ANXA13: variants seen among roughly 807,000 people sequenced by gnomAD.
The protein encoded by ANXA13 is annexin XIII.
A neutral mutation model predicts 46.6 loss-of-function variants in ANXA13; 36 were observed. The ratio of observed to expected loss-of-function variants is 0.77; its 90% confidence interval spans 0.59 to 1.02. The LOEUF (loss-of-function observed/expected upper bound fraction) is 1.02, where lower values mean the gene tolerates loss of function less well. ANXA13 is among the 50% of genes least tolerant of loss of function. The pLI, the probability that ANXA13 is intolerant of heterozygous loss-of-function variation, is 0.00. For missense variants in ANXA13, 417 were observed against 396.5 expected (o/e 1.05, Z -0.44); for synonymous variants, 163 against 152.9 (o/e 1.07, Z -0.49).
At chr8:123,702,508 T>G (rs1406687671) in intron 3 of ANXA13, 134 bp downstream of exon 3, 1 of 679,738 alleles carries the variant, frequency 1.5e-6, no homozygotes, top group Non-Finnish European at 2.6e-6. Flanking sequence ...TGCTTTTAAG[T>G]GGTTATTTCA....
chr8:123,736,200 A>G (rs941131053), intron 1 of ANXA13, among the ~76,000 whole-genome samples: 24 of 152,236 alleles, frequency 1.6e-4, no homozygotes, highest in African/African-American at 5.3e-4. Context: ...TAGCGAAGGA[A>G]AAACCTTATA....
intron 3 of ANXA13, 91 bp downstream of exon 3, chr8:123,702,550 TA>T: frequency 1.0e-6 from 1 of 994,520 alleles, no homozygotes; most frequent in Non-Finnish European, 1.6e-6. Context: ...AATAAAGCTA[TA>T]AAGATATTCT....
chr8:123,722,058 A>G (rs1269953333), intron 1 of ANXA13, among the ~76,000 whole-genome samples: 1 of 152,176 alleles, frequency 6.6e-6, no homozygotes, highest in Non-Finnish European at 1.5e-5. Context: ...TAATTCCAGC[A>G]CTTTGGGAGG....
intron 4 of ANXA13, among the ~76,000 whole-genome samples, chr8:123,698,163 C>T (rs1813377823): frequency 6.6e-6 from 1 of 152,214 alleles, no homozygotes; most frequent in Admixed American, 6.5e-5. Flanking sequence ...GCTCGCTGGA[C>T]ACAGCTCTTC....
intron 2 of ANXA13, chr8:123,711,761 C>G (rs1380404708): frequency 6.6e-6 from 1 of 152,286 alleles, no homozygotes; most frequent in African/African-American, 2.4e-5. Flanking sequence ...ATTACCGGCA[C>G]ATGCCAATAC....
chr8:123,696,996 G>A (rs1490840313), intron 4 of ANXA13, among the ~76,000 whole-genome samples: 5 of 152,174 alleles, frequency 3.3e-5, no homozygotes, highest in Admixed American at 2.6e-4. Flanking sequence ...TGCAACCTCC[G>A]CCTCCCGGGT....
intron 9 of ANXA13, 133 bp downstream of exon 9, chr8:123,688,738 T>A (rs1813181865): frequency 2.7e-6 from 2 of 751,100 alleles, no homozygotes; most frequent in Non-Finnish European, 4.7e-6. Flanking sequence ...TCACTCTCTC[T>A]CTTGCTCAGT....
rs145920238 is a variant in ANXA13, at chr8:123,706,201, T to A, written c.92-3465A>T. Reference sequence around the variant, plus strand: ...ATTTCCTCCCGGAGCTTCGCCTCCATCGTGGGAATCCAATTACTCATTCTA... The same window carrying A: ...ATTTCCTCCCGGAGCTTCGCCTCCAACGTGGGAATCCAATTACTCATTCTA... On this transcript the variant is annotated intron_variant, in intron 2 of 10. Coordinates refer to ENST00000419625, the MANE Select transcript of ANXA13 (RefSeq NM_004306.4). 3.2e-4 allele frequency among the ~76,000 whole-genome samples: 49 copies of A among 152,348 alleles called. 1 individual carries two copies. In the East Asian group the frequency reaches 9.5e-3, roughly 29 times the overall value.
intron 1 of ANXA13, among the ~76,000 whole-genome samples, chr8:123,730,767 A>T (rs1004314466): frequency 2.6e-5 from 4 of 152,240 alleles, no homozygotes; most frequent in Admixed American, 2.6e-4. Context: ...TCACAGTTCC[A>T]CATGGTTGGG....
chr8:123,711,348 T>G (rs1813653887), intron 2 of ANXA13, among the ~76,000 whole-genome samples: 1 of 152,228 alleles, frequency 6.6e-6, no homozygotes. Flanking sequence ...TCCTTCCATC[T>G]GTGCTTTGGA....
chr8:123,734,206 G>T (rs1424930136), intron 1 of ANXA13, among the ~76,000 whole-genome samples: 1 of 152,088 alleles, frequency 6.6e-6, no homozygotes, highest in African/African-American at 2.4e-5. Flanking sequence ...CTGTCATTCT[G>T]CACATATCCT....
chr8:123,698,486 G>A lies in ANXA13; in HGVS notation c.260C>T (p.Pro87Leu). 1 of 1,614,172 alleles carries A rather than the reference G, an allele frequency of 6.2e-7. No individual in the cohort carries two copies. Among genetic ancestry groups the A allele is most frequent in the Non-Finnish European group, 8.5e-7 (1 of 1,180,024 alleles). ...EKTALALLDR[P>L]SEYAARQLQK... is the part of the protein sequence containing the mutation. ...CAGCTGCCGGGCGGCGTACTCGCTG[G>A]GACGGTCCAGAAGGGCCAACGCTGT... The change falls in exon 4 of 11, where the codon CCC becomes CTC. Residue 87 changes from proline to leucine, a missense_variant. By Grantham distance (98) the Pro-to-Leu change is moderately conservative (BLOSUM62 -3). Coordinates refer to ENST00000419625, the MANE Select transcript of ANXA13 (RefSeq NM_004306.4).
intron 1 of ANXA13, chr8:123,727,525 T>A: frequency 6.6e-6 from 1 of 152,004 alleles, no homozygotes; most frequent in East Asian, 1.9e-4. Flanking sequence ...ATTGGCAATG[T>A]CTGGAGACAT....
In ANXA13 at chr8:123,698,536, A is replaced by G; in HGVS notation, c.210T>C (p.Ser70=). 1 of 1,613,962 alleles carries G rather than the reference A, an allele frequency of 6.2e-7. No individual in the cohort carries two copies. Among genetic ancestry groups the G allele is most frequent in the East Asian group, 2.2e-5 (1 of 44,864 alleles). ...TCTTCTCGAAGTTTCCACTCAGCTC[A>G]CTCTTGAGTACTTCCTCCAGCTCCT... ...YGKELEEVLK[S]ELSGNFEKTA... The change falls in exon 4 of 11, where the codon AGT becomes AGC. Residue 70 remains serine (S), a synonymous_variant. Coordinates refer to ENST00000419625, the MANE Select transcript of ANXA13 (RefSeq NM_004306.4).
At chr8:123,721,010 C>T (rs1343416885) in intron 1 of ANXA13, among the ~76,000 whole-genome samples, 2 of 152,164 alleles carry the variant, frequency 1.3e-5, no homozygotes, top group South Asian at 2.1e-4. Flanking sequence ...AAACTTTGTA[C>T]CAGTTGAACA....
chr8:123,700,913 C>T (rs1255236275), intron 3 of ANXA13, among the ~76,000 whole-genome samples: 6 of 152,038 alleles, frequency 3.9e-5, no homozygotes, highest in Non-Finnish European at 5.9e-5. Context: ...GCCTCAACTT[C>T]TTGGGCTTAA....
chr8:123,686,944 G>GTGCA (rs1813150792), intron 9 of ANXA13, among the ~76,000 whole-genome samples: 1 of 152,192 alleles, frequency 6.6e-6, no homozygotes, highest in African/African-American at 2.4e-5. Flanking sequence ...TACCACTGGA[G>GTGCA]TACAGCTCTC....
chr8:123,721,516 T>C (rs1331839425), intron 1 of ANXA13, among the ~76,000 whole-genome samples: 4 of 152,190 alleles, frequency 2.6e-5, no homozygotes, highest in Non-Finnish European at 4.4e-5. Context: ...TGAGTGTTAT[T>C]TTTATTCCTT....
At chr8:123,723,647 A>G (rs1266182123) in intron 1 of ANXA13, among the ~76,000 whole-genome samples, 2 of 152,180 alleles carry the variant, frequency 1.3e-5, no homozygotes, top group Non-Finnish European at 2.9e-5. Flanking sequence ...AGCACCACAA[A>G]TTAGGCTTTT....
Sources: allele counts gnomAD v4.1 joint callset (sites outside exome capture counted in the v4.1 genomes callset), GRCh38; gene constraint gnomAD v4.1.1; transcripts MANE v1.5; gene names NCBI Gene and HGNC (gene_info 2026-07-23, HGNC 2026-07-21).